Variants in CRACR2A observed in about 807,000 individuals in gnomAD.
The protein encoded by CRACR2A is EF-hand calcium-binding domain-containing protein 4B.
In CRACR2A, 79 loss-of-function variants were observed where a neutral mutation model predicts 90.5. The ratio of observed to expected loss-of-function variants is 0.87; its 90% confidence interval spans 0.73 to 1.05. The LOEUF is 1.05. CRACR2A is among the 50% of genes least tolerant of loss of function. The pLI is 0.00. For synonymous variants in CRACR2A, 338 were observed against 356.7 expected, an observed-to-expected ratio of 0.95 and a Z score of 0.59; for missense variants, 823 against 897.2, an observed-to-expected ratio of 0.92 and a Z score of 1.06.
At chr12:3,708,777 T>C (rs1036557952) in intron 3 of CRACR2A, among the ~76,000 whole-genome samples, 3 of 152,220 alleles carry the variant, frequency 2.0e-5, no homozygotes, top group African/African-American at 7.2e-5. Flanking sequence ...AAGGTTGGCT[T>C]CTGGGAGCCC....
chr12:3,667,071 T>C (rs1239453194), intron 7 of CRACR2A, among the ~76,000 whole-genome samples: 2 of 152,186 alleles, frequency 1.3e-5, no homozygotes, highest in African/African-American at 4.8e-5. Flanking sequence ...TTTGATCAAT[T>C]ATGTCTCCCG....
Position 3,733,181 on chromosome 12 carries a change from C to A in CRACR2A, c.-357G>T, listed in dbSNP as rs1202435559. Reference sequence around the variant, plus strand: ...GCCCCAGGTGGCTCCGTGCCAGCCTCCTGAAGGGCAGCTGTGGTCAGGGCA... The same window carrying A: ...GCCCCAGGTGGCTCCGTGCCAGCCTACTGAAGGGCAGCTGTGGTCAGGGCA... On this transcript the variant is annotated 5_prime_UTR_variant, in exon 2 of 20. Coordinates refer to ENST00000440314, the MANE Select transcript of CRACR2A (RefSeq NM_001144958.2). The A allele has an allele frequency of 6.6e-6, 1 of 152,410 alleles. No homozygotes were observed. Among genetic ancestry groups the A allele is most frequent in the Non-Finnish European group, 1.5e-5 (1 of 68,204 alleles). The allele number at this position is 152,410 out of a possible 1,614,324, so 9.4% of individuals were successfully genotyped here.
At chr12:3,721,233 CG>C (rs1565501526) in intron 2 of CRACR2A, among the ~76,000 whole-genome samples, 1 of 151,730 alleles carries the variant, frequency 6.6e-6, no homozygotes, top group East Asian at 1.9e-4. Context: ...GTGTTAGGAA[CG>C]GGGTAAAAAG....
At chr12:3,740,703 T>A (rs1946511324) in intron 1 of CRACR2A, among the ~76,000 whole-genome samples, 1 of 152,170 alleles carries the variant, frequency 6.6e-6, no homozygotes, top group Non-Finnish European at 1.5e-5. Flanking sequence ...AACAGAGAGA[T>A]CATCTCCGTG....
intron 7 of CRACR2A, among the ~76,000 whole-genome samples, chr12:3,665,781 T>G (rs12422895): frequency 6.6e-6 from 1 of 152,044 alleles, no homozygotes. Flanking sequence ...CGAGGCTCAA[T>G]AGAGAAGACT....
chr12:3,725,577 G>A (rs1486984218), intron 2 of CRACR2A, among the ~76,000 whole-genome samples: 1 of 151,998 alleles, frequency 6.6e-6, no homozygotes, highest in African/African-American at 2.4e-5. Flanking sequence ...TCCAAATAAG[G>A]TCATATTCAC....
intron 7 of CRACR2A, among the ~76,000 whole-genome samples, chr12:3,662,008 A>G (rs1945047795): frequency 6.6e-6 from 1 of 152,204 alleles, no homozygotes. Context: ...TCATGCTCAC[A>G]TACCAGCTTG....
intron 6 of CRACR2A, among the ~76,000 whole-genome samples, chr12:3,677,738 C>T (rs985659885): frequency 6.6e-6 from 1 of 152,202 alleles, no homozygotes; most frequent in Admixed American, 6.5e-5. Context: ...CTTCTGTGGT[C>T]GACACCTGCT....
At chr12:3,660,889 A>C (rs897367115) in intron 7 of CRACR2A, among the ~76,000 whole-genome samples, 10 of 121,342 alleles carry the variant, frequency 8.2e-5, no homozygotes, top group African/African-American at 3.2e-4. Context: ...CACACACACA[A>C]TTTTGGCCCC....
chr12:3,648,800 G>T (rs954110629), intron 10 of CRACR2A, among the ~76,000 whole-genome samples, 187 bp from the exon 11 acceptor site: 8 of 152,182 alleles, frequency 5.3e-5, no homozygotes, highest in African/African-American at 1.9e-4. Flanking sequence ...AATTTGGGAG[G>T]TGAACTTATC....
In CRACR2A at chr12:3,673,586, A is replaced by T. The variant is rs1221530400; in HGVS notation, c.531T>A (p.Ser177Arg). 1 of 1,612,930 alleles carries T rather than the reference A, an allele frequency of 6.2e-7. No homozygotes were observed. Among genetic ancestry groups the T allele is most frequent in the Admixed American group, 1.7e-5 (1 of 59,814 alleles). ...LGAQKVLEDE[S>R]DVKQLWLQLK... ...GCTGCAACCAGAGCTGCTTGACATC[A>T]CTTTCACTGCAAGAGAAGGGACGCT... Residue 177 changes from serine (S) to arginine (R), a missense_variant, in exon 7 of 20, where the codon AGT (serine) becomes AGA (arginine). Physicochemically the swap from Ser to Arg is moderately radical, Grantham distance 110 (BLOSUM62 -1). Coordinates refer to ENST00000440314, the MANE Select transcript of CRACR2A (RefSeq NM_001144958.2).
At chr12:3,683,649 G>C (rs1157201399) in intron 4 of CRACR2A, among the ~76,000 whole-genome samples, 1 of 152,304 alleles carries the variant, frequency 6.6e-6, no homozygotes, top group African/African-American at 2.4e-5. Context: ...TTCCCAATTA[G>C]CATTTTATAT....
intron 2 of CRACR2A, chr12:3,726,191 GTA>G (rs1316320027): frequency 6.6e-6 from 1 of 150,554 alleles, no homozygotes; most frequent in Non-Finnish European, 1.5e-5. Context: ...CATACTATAT[GTA>G]TATTTTATAT....
intron 3 of CRACR2A, among the ~76,000 whole-genome samples, chr12:3,706,416 A>T (rs1026921862): frequency 6.6e-6 from 1 of 152,222 alleles, no homozygotes; most frequent in Non-Finnish European, 1.5e-5. Context: ...ATAGTGAAGT[A>T]GGGGGCTTTG....
chr12:3,616,685 G>A (rs1867689941), intron 19 of CRACR2A, among the ~76,000 whole-genome samples: 1 of 152,226 alleles, frequency 6.6e-6, no homozygotes, highest in Admixed American at 6.5e-5. Context: ...CTAGGAAAAG[G>A]CAGCCTTTAA....
chr12:3,688,027 T>C (rs1945594134), intron 4 of CRACR2A, among the ~76,000 whole-genome samples: 3 of 152,142 alleles, frequency 2.0e-5, no homozygotes, highest in Admixed American at 2.0e-4. Context: ...CCCACTTTTT[T>C]ATGGGATTGC....
intron 17 of CRACR2A, among the ~76,000 whole-genome samples, chr12:3,619,617 A>G (rs1050334213): frequency 1.1e-4 from 17 of 152,108 alleles, no homozygotes; most frequent in Admixed American, 7.9e-4. Flanking sequence ...TGTGTGTGCA[A>G]TGACCGCTCC....
intron 2 of CRACR2A, among the ~76,000 whole-genome samples, chr12:3,720,626 C>T (rs189232483): frequency 6.6e-6 from 1 of 152,314 alleles, no homozygotes; most frequent in Admixed American, 6.5e-5. Context: ...TTGCATTGAC[C>T]TGTGGCGTGC....
In CRACR2A at chr12:3,713,410, G is replaced by A. The variant is rs1046412169; in HGVS notation, c.-117-93C>T. ...TAGCAATTTTGGAAAAACTTGGGAG[G>A]AAACATTGCTCCTACCGCATTGCAG... On this transcript the variant is annotated intron_variant, in intron 2 of 19. Coordinates refer to ENST00000440314, the MANE Select transcript of CRACR2A (RefSeq NM_001144958.2). 3 of 496,628 alleles carry A rather than the reference G, an allele frequency of 6.0e-6. No homozygotes were observed. In the Admixed American group the frequency reaches 1.9e-4, roughly 32 times the overall value. 30.8% of individuals were successfully genotyped at this position (496,628 alleles called of 1,614,324 possible).
Sources: gnomAD v4.1 joint callset for allele counts (sites outside exome capture counted in the v4.1 genomes callset) on GRCh38, gnomAD v4.1.1 for gene constraint, MANE v1.5 for transcripts, NCBI Gene and HGNC (gene_info 2026-07-23, HGNC 2026-07-21) for gene names.